ARNT: variants seen among roughly 807,000 people sequenced by gnomAD.
ARNT encodes the protein class E basic helix-loop-helix protein 2.
In ARNT, 30 loss-of-function variants were observed where a neutral mutation model predicts 105.0. The observed-to-expected ratio is 0.29, with a 90% CI of 0.21 to 0.39. The LOEUF is 0.39. Among genes scored for constraint, ARNT ranks in the 10% least tolerant of loss-of-function variants. The pLI is 1.00. For missense variants in ARNT, 748 were observed against 978.7 expected (o/e 0.76, Z 3.15); for synonymous variants, 304 against 344.0 (o/e 0.88, Z 1.29).
At chr1:150,817,485 A>T (rs3894771) in intron 15 of ARNT, 52 bp from the exon 16 acceptor site, 743,779 of 1,539,542 alleles carry the variant, frequency 0.48, 184,754 homozygotes, top group African/African-American at 0.74. Context: ...AATTTTTTTT[A>T]AAAAAGAATC....
At chr1:150,827,833 C>T (rs1658584321) in intron 12 of ARNT, among the ~76,000 whole-genome samples, 1 of 152,190 alleles carries the variant, frequency 6.6e-6, no homozygotes, top group Non-Finnish European at 1.5e-5. Context: ...TACACATTTT[C>T]ACCAATACTT....
At chr1:150,863,793 C>T (rs1666074604) in intron 1 of ARNT, among the ~76,000 whole-genome samples, 2 of 150,292 alleles carry the variant, frequency 1.3e-5, no homozygotes, top group African/African-American at 4.9e-5. Flanking sequence ...CCAGCCTGGG[C>T]AACAAGAGCA....
chr1:150,818,059 G>T (rs940483470), intron 14 of ARNT, 29 bp from the exon 15 acceptor site: 3 of 1,501,410 alleles, frequency 2.0e-6, no homozygotes, highest in African/African-American at 1.4e-5. Flanking sequence ...CAGTAAAGAG[G>T]GGGTGGAGAG....
chr1:150,853,754 C>A (rs1264366959), intron 2 of ARNT, among the ~76,000 whole-genome samples: 3 of 152,146 alleles, frequency 2.0e-5, no homozygotes, highest in Non-Finnish European at 4.4e-5. Flanking sequence ...ATGCTACAGA[C>A]ATTCAGGGAA....
intron 8 of ARNT, 71 bp from the exon 9 acceptor site, chr1:150,832,470 G>T: frequency 7.2e-7 from 1 of 1,383,598 alleles, no homozygotes; most frequent in Non-Finnish European, 1.0e-6. Flanking sequence ...AGTAATAGCA[G>T]AATAACATGC....
Position 150,834,621 on chromosome 1 carries a change from C to T in ARNT, c.720G>A (p.Lys240=). 2 of 1,613,984 alleles carry T rather than the reference C, an allele frequency of 1.2e-6. No homozygotes were observed. Among genetic ancestry groups the T allele is most frequent in the Non-Finnish European group, 1.7e-6 (2 of 1,179,928 alleles). ...GACCTTCCTTTTTCACTGTTCCAGT[C>T]TTTAGATCCAGGATACGCCCTGAAG... ...NALTGRILDL[K]TGTVKKEGQQ... is the part of the protein sequence containing the mutation. Residue 240 remains lysine (K), a synonymous_variant, in exon 8 of 22, where the codon AAG becomes AAA. Coordinates refer to ENST00000358595, the MANE Select transcript of ARNT (RefSeq NM_001668.4).
At chr1:150,869,809 T>C (rs1667175047) in intron 1 of ARNT, among the ~76,000 whole-genome samples, 2 of 152,016 alleles carry the variant, frequency 1.3e-5, no homozygotes, top group Non-Finnish European at 2.9e-5. Context: ...CACCCTGGCC[T>C]CTCAAAGTGC....
rs200208316 is a variant in ARNT, at chr1:150,816,809, G to C, written c.1781C>G (p.Pro594Arg). Residue 594 changes from proline (P) to arginine (R), a missense_variant, in exon 18 of 22, where the codon CCC becomes CGC. Coordinates refer to ENST00000358595, the MANE Select transcript of ARNT (RefSeq NM_001668.4). ...FSQGNTFPPT[P>R]RPAENFRNSG... ...TCACCTGAAATTCTCTGCCGGCCGG[G>C]GGGTAGGAGGGAATGTGTTGCCCTG... The C allele has an allele frequency of 8.5e-5, 134 of 1,583,154 alleles. No individual in the cohort carries two copies. Among genetic ancestry groups the C allele is most frequent in the Admixed American group, 5.7e-4 (27 of 47,510 alleles).
rs762611389 is a variant in ARNT, at chr1:150,811,316, C to T, written c.*705G>A. ...CGTTTATTTAAATATTCTTTGGCTG[C>T]AATACTAAGTGGAAAATACCTGGAA... On this transcript the variant is annotated 3_prime_UTR_variant, in exon 22 of 22. Coordinates refer to ENST00000358595, the MANE Select transcript of ARNT (RefSeq NM_001668.4). The T allele has an allele frequency of 7.7e-5, 18 of 233,684 alleles. No individual in the cohort carries two copies. Among genetic ancestry groups the T allele is most frequent in the East Asian group, 6.0e-5 (1 of 16,712 alleles). The allele number at this position is 233,684 out of a possible 1,614,324, so 14.5% of individuals were successfully genotyped here. A position where few individuals can be genotyped will look rare whatever the true frequency, so the allele number is the denominator to read the frequency against.
At chr1:150,848,394 C>T (rs11204732) in intron 3 of ARNT, among the ~76,000 whole-genome samples, 148,016 of 151,940 alleles carry the variant, frequency 0.97, 72,180 homozygotes, top group Non-Finnish European at 1. Context: ...AGGCGGAGGA[C>T]GCAATGAGCA....
intron 19 of ARNT, among the ~76,000 whole-genome samples, chr1:150,815,352 T>C (rs976916523): frequency 6.6e-6 from 1 of 150,928 alleles, no homozygotes; most frequent in Non-Finnish European, 1.5e-5. Context: ...ATCAAGACCA[T>C]CTTGGCTAAC....
chr1:150,842,624 A>T (rs1661497474), intron 4 of ARNT, among the ~76,000 whole-genome samples, 156 bp from the exon 5 acceptor site: 2 of 152,110 alleles, frequency 1.3e-5, no homozygotes, highest in African/African-American at 4.8e-5. Flanking sequence ...ATATAGAACT[A>T]AACAGATGCA....
At position 150,823,199 on chromosome 1, in the gene ARNT, A is replaced by G. The variant is rs748879208; in HGVS notation, c.1389T>C (p.Asn463=). Residue 463 remains asparagine (N), a synonymous_variant, in exon 14 of 22, where the codon AAT becomes AAC. Coordinates refer to ENST00000358595, the MANE Select transcript of ARNT (RefSeq NM_001668.4). ...CACTCCTGTATAATACATACTTCACATTGGTGTTGGTACAGATGATGTACT... is the reference window on the plus strand; with the variant it reads ...CACTCCTGTATAATACATACTTCACGTTGGTGTTGGTACAGATGATGTACT... ...EIEYIICTNT[N]VKNSSQEPRP... is the part of the protein sequence containing the mutation. 4 of 1,605,238 alleles carry G rather than the reference A, an allele frequency of 2.5e-6. No individual in the cohort carries two copies. The Admixed American group carries it at 5.1e-5, about 20-fold the overall frequency.
At position 150,816,276 on chromosome 1, in the gene ARNT, AGCGG is replaced by A; in HGVS notation, c.1929_1932del (p.Arg644GlnfsTer137). 1 of 1,603,328 alleles carries A rather than the reference AGCGG, an allele frequency of 6.2e-7. No homozygotes were observed. The highest frequency in any genetic ancestry group is 1.8e-5 in the Admixed American group (1 of 56,318). ...AGTTTTACCTGGGCAGAAAAGCCTG[AGCGG>A]GTAGTAGGGGTCCAAGTTGGGGTTG... On this transcript the variant is annotated frameshift_variant, in exon 19 of 22. Transcript: ENST00000358595. LOFTEE classifies it high-confidence loss of function.
chr1:150,823,151 A>G, intron 14 of ARNT, 43 bp downstream of exon 14: 1 of 1,470,422 alleles, frequency 6.8e-7, no homozygotes, highest in Non-Finnish European at 9.1e-7. Flanking sequence ...TGTTGTGAGA[A>G]CAGAGGAAAA....
At chr1:150,859,427 G>A (rs1665204880) in intron 1 of ARNT, among the ~76,000 whole-genome samples, 1 of 150,744 alleles carries the variant, frequency 6.6e-6, no homozygotes, top group African/African-American at 2.4e-5. Context: ...GCTTACTGCA[G>A]CCTCAACCTC....
Position 150,818,021 on chromosome 1 carries a change from G to A in ARNT, c.1404C>T (p.Ser468=). ...ICTNTNVKNS[S]QEPRPTLSNT... ...TGGAGAGTGTAGGCCGTGGTTCTTGGCTAGAGTTCCTAGGAAACCAGAGTA... is the reference window on the plus strand; with the variant it reads ...TGGAGAGTGTAGGCCGTGGTTCTTGACTAGAGTTCCTAGGAAACCAGAGTA... The change falls in exon 15 of 22, where the codon AGC becomes AGT. Residue 468 remains serine, a synonymous_variant. Transcript: ENST00000358595. 1 of 1,611,096 alleles carries A rather than the reference G, an allele frequency of 6.2e-7. No homozygotes were observed. Among genetic ancestry groups the A allele is most frequent in the Non-Finnish European group, 8.5e-7 (1 of 1,178,660 alleles).
intron 10 of ARNT, among the ~76,000 whole-genome samples, chr1:150,831,225 C>T (rs1659314227): frequency 6.6e-6 from 1 of 152,142 alleles, no homozygotes; most frequent in Non-Finnish European, 1.5e-5. Context: ...TCTGTCTCCC[C>T]AAAACCCCTA....
intron 2 of ARNT, among the ~76,000 whole-genome samples, chr1:150,854,299 T>C (rs888399951): frequency 2.0e-5 from 3 of 152,188 alleles, no homozygotes; most frequent in Non-Finnish European, 2.9e-5. Context: ...TGCTCACACC[T>C]GTAGTCCACG....
Sources: gnomAD v4.1 joint callset for allele counts (sites outside exome capture counted in the v4.1 genomes callset) on GRCh38, gnomAD v4.1.1 for gene constraint, MANE v1.5 for transcripts, NCBI Gene and HGNC (gene_info 2026-07-23, HGNC 2026-07-21) for gene names.